Variants in SEC14L6 observed in about 807,000 individuals in gnomAD.
SEC14L6 encodes the protein SEC14-like protein 6.
A neutral mutation model predicts 54.1 loss-of-function variants in SEC14L6; 40 were observed. The observed-to-expected ratio is 0.74, with a 90% CI of 0.57 to 0.96. The LOEUF is 0.96. Among genes scored for constraint, SEC14L6 ranks in the 40% least tolerant of loss-of-function variants. SEC14L6 has a pLI of 0.00. For synonymous variants in SEC14L6, 171 were observed against 198.4 expected (o/e 0.86, Z 1.16); for missense variants, 471 against 498.3 (o/e 0.95, Z 0.52).
At chr22:30,540,989 A>T (rs904014694) in intron 1 of SEC14L6, among the ~76,000 whole-genome samples, 3 of 151,008 alleles carry the variant, frequency 2.0e-5, no homozygotes. Context: ...ACTGCACTCC[A>T]GCCTGGGCAA....
In SEC14L6 at chr22:30,538,846, G is replaced by T; in HGVS notation, c.111C>A (p.Phe37Leu). ...LSALPNPDDY[F>L]LLRWLQARSF... ...CCTTACCTTGGAGCCAGCGCAGGAGGAAGTAGTCATCAGGATTGGGCAGCG... is the reference window on the plus strand; with the variant it reads ...CCTTACCTTGGAGCCAGCGCAGGAGTAAGTAGTCATCAGGATTGGGCAGCG... The change falls in exon 2 of 12, where the codon TTC becomes TTA. Residue 37 changes from phenylalanine (F) to leucine (L), a missense_variant. By Grantham distance (22) the Phe-to-Leu change is conservative. Transcript: ENST00000402034. The T allele has an allele frequency of 6.4e-7, 1 of 1,558,004 alleles. No homozygotes were observed. The highest frequency in any genetic ancestry group is 8.7e-7 in the Non-Finnish European group (1 of 1,150,146).
Position 30,528,732 on chromosome 22 carries a change from G to A in SEC14L6, c.664+355C>T, listed in dbSNP as rs75363866. On this transcript the variant is annotated intron_variant, in intron 8 of 11. Transcript: ENST00000402034. ...AGCCACTGTGTGCCGCCAAAGATCC[G>A]GATCTAATTCCCCCCATTAAACAGA... 5.1e-3 allele frequency among the ~76,000 whole-genome samples: 770 copies of A among 152,052 alleles called. 12 individuals are homozygous for A. Among genetic ancestry groups the A allele is most frequent in the African/African-American group, 0.018 (744 of 41,464 alleles).
At chr22:30,530,111 A>T (rs918013908) in intron 6 of SEC14L6, among the ~76,000 whole-genome samples, 5 of 151,808 alleles carry the variant, frequency 3.3e-5, no homozygotes, top group South Asian at 2.1e-4. Context: ...GGTTTTTTTT[A>T]AAAAAACTGA....
rs868708736 is a variant in SEC14L6 at position 30,546,533 on chromosome 22, G to A, written c.54+96C>T. On this transcript the variant is annotated intron_variant, in intron 1 of 11. Coordinates refer to ENST00000402034, the MANE Select transcript of SEC14L6 (RefSeq NM_001193336.4). ...AGGGTTGGGAAGAGACCCAGAGCTG[G>A]AGAGTTCAGAAGAAACTCAGGGACC... 1.5e-5 allele frequency: 18 copies of A among 1,164,526 alleles called. No homozygotes were observed. In the Middle Eastern group the frequency reaches 2.9e-3, roughly 186 times the overall value. 72.1% of individuals were successfully genotyped at this position (1,164,526 alleles called of 1,614,324 possible).
rs2085801672 is a variant in SEC14L6, at chr22:30,546,613, C to T, written c.54+16G>A. The T allele has an allele frequency of 6.5e-7, 1 of 1,549,226 alleles. No individual in the cohort carries two copies. Among genetic ancestry groups the T allele is most frequent in the Non-Finnish European group, 8.7e-7 (1 of 1,146,002 alleles). ...GAGAAACTGAGGCTGGTGTAGGAGT[C>T]TCTCCCTTCACTCACCTGGGCCAGC... On this transcript the variant is annotated intron_variant, in intron 1 of 11. Transcript: ENST00000402034.
chr22:30,539,093 C>T (rs1347065221), intron 1 of SEC14L6, among the ~76,000 whole-genome samples, 191 bp from the exon 2 acceptor site: 7 of 152,144 alleles, frequency 4.6e-5, no homozygotes, highest in Non-Finnish European at 1.0e-4. Flanking sequence ...GAACCAACTA[C>T]AGGCCAGGCG....
chr22:30,535,963 A>C (rs1183252466), intron 2 of SEC14L6, among the ~76,000 whole-genome samples: 1 of 146,092 alleles, frequency 6.8e-6, no homozygotes, highest in Non-Finnish European at 1.5e-5. Context: ...TCCTGGGCTC[A>C]AGTCATTCTC....
intron 2 of SEC14L6, among the ~76,000 whole-genome samples, 171 bp downstream of exon 2, chr22:30,538,656 C>T (rs936513041): frequency 6.6e-6 from 1 of 152,202 alleles, no homozygotes; most frequent in African/African-American, 2.4e-5. Flanking sequence ...GTCAGAAACA[C>T]CCCACTAAGC....
rs189547071 is a variant in SEC14L6 at position 30,529,686 on chromosome 22, C to T, written c.520-337G>A. Among the ~76,000 whole-genome samples the T allele has an allele frequency of 2.3e-4, 35 of 152,282 alleles. 1 individual carries two copies. In the East Asian group the frequency reaches 6.6e-3, roughly 29 times the overall value. ...CTTGAACTCCTGGGCTCAAGTGATC[C>T]TCCCACCTCAGCCTCCCAAGGTGCT... On this transcript the variant is annotated intron_variant, in intron 6 of 11. Coordinates refer to ENST00000402034, the MANE Select transcript of SEC14L6 (RefSeq NM_001193336.4).
intron 2 of SEC14L6, among the ~76,000 whole-genome samples, chr22:30,535,304 G>C (rs1460561756): frequency 6.6e-6 from 1 of 152,206 alleles, no homozygotes; most frequent in African/African-American, 2.4e-5. Flanking sequence ...AGCTTTCTAA[G>C]AGTCAGCCTG....
At chr22:30,539,469 G>A (rs546428525) in intron 1 of SEC14L6, among the ~76,000 whole-genome samples, 2 of 152,164 alleles carry the variant, frequency 1.3e-5, no homozygotes, top group African/African-American at 4.8e-5. Context: ...AGGGATGTGG[G>A]GGCAGGGAGG....
At chr22:30,542,575 G>A (rs2085741174) in intron 1 of SEC14L6, 3 of 1,444,630 alleles carry the variant, frequency 2.1e-6, no homozygotes, top group East Asian at 2.6e-5. Context: ...CGCGGCCCAT[G>A]GAGCCCGCGG....
rs571686859 is a variant in SEC14L6, at chr22:30,538,478, T to C, written c.130+349A>G. 1.5e-4 allele frequency among the ~76,000 whole-genome samples: 23 copies of C among 152,324 alleles called. No homozygotes were observed. In the East Asian group the frequency reaches 4.2e-3, roughly 28 times the overall value. ...GAAGCCAACTGCCATGTTGTGAGGATGCTTGAGCAGGCCCTGTGAGGAAGA... is the reference window on the plus strand; with the variant it reads ...GAAGCCAACTGCCATGTTGTGAGGACGCTTGAGCAGGCCCTGTGAGGAAGA... On this transcript the variant is annotated intron_variant, in intron 2 of 11. Transcript: ENST00000402034.
Position 30,529,182 on chromosome 22 carries a change from C to T in SEC14L6, c.581-12G>A, listed in dbSNP as rs1467049576. Reference sequence around the variant, plus strand: ...GAATAGCTTGGGGGCTGAAACCAGGCACAGAACTGCTCCCTCAGGCGGCTG... The same window carrying T: ...GAATAGCTTGGGGGCTGAAACCAGGTACAGAACTGCTCCCTCAGGCGGCTG... On this transcript the variant is annotated splice_polypyrimidine_tract_variant and intron_variant, in intron 7 of 11. Transcript: ENST00000402034. 6.4e-7 allele frequency: 1 copy of T among 1,550,708 alleles called. No homozygotes were observed. The highest frequency in any genetic ancestry group is 1.4e-5 in the African/African-American group (1 of 73,040).
chr22:30,527,900 C>T (rs937188634), intron 8 of SEC14L6, among the ~76,000 whole-genome samples: 3 of 151,478 alleles, frequency 2.0e-5, no homozygotes, highest in African/African-American at 7.3e-5. Flanking sequence ...GAATTTAGGA[C>T]TTTACTAAAA....
chr22:30,543,895 C>CGGG, intron 1 of SEC14L6: 2 of 1,587,352 alleles, frequency 1.3e-6, no homozygotes, highest in Non-Finnish European at 1.7e-6. Context: ...GCCTGCTCCC[C>CGGG]GGGCCGCGGA....
Position 30,525,467 on chromosome 22 carries a change from T to C in SEC14L6, c.964A>G (p.Thr322Ala), listed in dbSNP as rs750000205. 1.5e-5 allele frequency: 25 copies of C among 1,614,038 alleles called. No homozygotes were observed. Among genetic ancestry groups the C allele is most frequent in the Middle Eastern group, 3.3e-4 (2 of 6,084 alleles). ...GCCCTCTGCCGCTCCCCCATCTTGG[T>C]CTTCAGGAAAACCCCAAAGCCAATG... ...GDIGFGVFLKTKMGERQRARE... is the reference protein window; with the variant it reads ...GDIGFGVFLKAKMGERQRARE... The change falls in exon 11 of 12, where the codon ACC becomes GCC. Residue 322 changes from threonine to alanine, a missense_variant. Coordinates refer to ENST00000402034, the MANE Select transcript of SEC14L6 (RefSeq NM_001193336.4).
At position 30,543,396 on chromosome 22, in the gene SEC14L6, G is replaced by A. The variant is rs551579820; in HGVS notation, c.54+3233C>T. ...AGGTGAATATCACCTGCCAGGTGAC[G>A]AAATTCTACCCCCAGAGACTACAGT... On this transcript the variant is annotated intron_variant, in intron 1 of 11. Coordinates refer to ENST00000402034, the MANE Select transcript of SEC14L6 (RefSeq NM_001193336.4). 1.1e-4 allele frequency: 173 copies of A among 1,600,314 alleles called. 3 individuals are homozygous for A. Among genetic ancestry groups the A allele is most frequent in the South Asian group, 1.1e-3 (98 of 90,774 alleles).
intron 1 of SEC14L6, chr22:30,542,716 G>C: frequency 1.3e-6 from 2 of 1,568,858 alleles, no homozygotes; most frequent in Non-Finnish European, 8.7e-7. Context: ...TGCAGCTGGA[G>C]AGTCGGCCGC....
Sources: allele counts gnomAD v4.1 joint callset (sites outside exome capture counted in the v4.1 genomes callset), GRCh38; gene constraint gnomAD v4.1.1; transcripts MANE v1.5; gene names NCBI Gene and HGNC (gene_info 2026-07-23, HGNC 2026-07-21).